Variants in PDZRN4 observed in about 807,000 individuals in gnomAD.
The protein encoded by PDZRN4 is PDZ domain-containing RING finger protein 4.
PDZRN4 carries 70 observed loss-of-function variants against 99.0 expected under a neutral mutation model. The observed-to-expected ratio is 0.71, with a 90% CI of 0.58 to 0.86. The LOEUF (loss-of-function observed/expected upper bound fraction) is 0.86. Ranked by LOEUF, PDZRN4 falls within the 40% of genes least tolerant of loss-of-function variation. The pLI is 0.00. For missense variants in PDZRN4, 1,474 were observed against 1,331.2 expected (o/e 1.11, Z -1.67); for synonymous variants, 551 against 501.6 (o/e 1.10, Z -1.32).
intron 3 of PDZRN4, among the ~76,000 whole-genome samples, chr12:41,352,391 G>A (rs556292271): frequency 6.6e-6 from 1 of 152,268 alleles, no homozygotes; most frequent in South Asian, 2.1e-4. Flanking sequence ...CAAGGGAGTA[G>A]TGGGTGATTT....
At chr12:41,490,772 C>T (rs1937869799) in intron 3 of PDZRN4, among the ~76,000 whole-genome samples, 1 of 151,956 alleles carries the variant, frequency 6.6e-6, no homozygotes. Flanking sequence ...CTTTGTCACC[C>T]AGGCTGGAAC....
intron 3 of PDZRN4, among the ~76,000 whole-genome samples, chr12:41,353,999 G>A (rs998086921): frequency 6.6e-6 from 1 of 152,016 alleles, no homozygotes; most frequent in Non-Finnish European, 1.5e-5. Flanking sequence ...TAACATCAGT[G>A]TTATGTAGGA....
chr12:41,212,916 G>A (rs1950897366), intron 3 of PDZRN4, among the ~76,000 whole-genome samples: 4 of 151,978 alleles, frequency 2.6e-5, no homozygotes. Context: ...GTGTATTATA[G>A]GAATTGAAAG....
At chr12:41,511,857 A>G (rs1421368449) in intron 5 of PDZRN4, among the ~76,000 whole-genome samples, 1 of 152,146 alleles carries the variant, frequency 6.6e-6, no homozygotes, top group Non-Finnish European at 1.5e-5. Context: ...AGATTTAGAA[A>G]TGCTAATTCT....
chr12:41,195,683 G>A (rs924280777), intron 3 of PDZRN4, among the ~76,000 whole-genome samples: 3 of 152,088 alleles, frequency 2.0e-5, no homozygotes, highest in African/African-American at 7.2e-5. Context: ...TGCCGAGAAA[G>A]TGCAGACCTA....
intron 3 of PDZRN4, among the ~76,000 whole-genome samples, chr12:41,374,706 C>T (rs957991015): frequency 1.3e-5 from 2 of 152,120 alleles, no homozygotes; most frequent in African/African-American, 4.8e-5. Context: ...AAGTTGGCTA[C>T]CATCTCTAGA....
At chr12:41,491,494 C>T (rs1043138721) in intron 3 of PDZRN4, among the ~76,000 whole-genome samples, 2 of 152,078 alleles carry the variant, frequency 1.3e-5, no homozygotes, top group Admixed American at 6.6e-5. Flanking sequence ...TGCACTCCAG[C>T]CTGAGCCACA....
intron 3 of PDZRN4, among the ~76,000 whole-genome samples, chr12:41,460,312 G>T (rs1323858773): frequency 6.6e-6 from 1 of 152,122 alleles, no homozygotes; most frequent in Non-Finnish European, 1.5e-5. Flanking sequence ...TTCAGTGAAT[G>T]AAAATAAGCT....
At position 41,320,322 on chromosome 12, in the gene PDZRN4, G is replaced by A. The variant is rs115211680; in HGVS notation, c.843+126134G>A. On this transcript the variant is annotated intron_variant, in intron 3 of 9. Coordinates refer to ENST00000402685, the MANE Select transcript of PDZRN4 (RefSeq NM_001164595.2). ...CGGGAGCAATATTAGATCCTGTGTT[G>A]ACATTTCATCTCTCCTGATGTGTGC... Among the ~76,000 whole-genome samples, 771 of 152,272 alleles carry A rather than the reference G, an allele frequency of 5.1e-3. 5 individuals are homozygous for A. The highest frequency in any genetic ancestry group is 0.018 in the African/African-American group (732 of 41,554).
intron 9 of PDZRN4, 60 bp from the exon 10 acceptor site, chr12:41,572,304 A>T: frequency 7.1e-7 from 1 of 1,414,638 alleles, no homozygotes; most frequent in Non-Finnish European, 9.6e-7. Flanking sequence ...CAAGATTTTT[A>T]ATAACAAATG....
chr12:41,430,725 C>A (rs1485901416), intron 3 of PDZRN4, among the ~76,000 whole-genome samples: 1 of 152,104 alleles, frequency 6.6e-6, no homozygotes, highest in African/African-American at 2.4e-5. Context: ...AGAGATTTAA[C>A]ATAACAAAAA....
chr12:41,230,659 A>G (rs900516061), intron 3 of PDZRN4, among the ~76,000 whole-genome samples: 1 of 152,116 alleles, frequency 6.6e-6, no homozygotes. Flanking sequence ...TGGAAATGGT[A>G]GATTCCAAAT....
chr12:41,472,220 C>T (rs1953000268), intron 3 of PDZRN4, among the ~76,000 whole-genome samples: 2 of 152,160 alleles, frequency 1.3e-5, no homozygotes, highest in South Asian at 4.1e-4. Context: ...TCAAGCTGGC[C>T]TCGACCTCCT....
At chr12:41,537,317 C>G (rs1021678197) in intron 5 of PDZRN4, among the ~76,000 whole-genome samples, 3 of 152,202 alleles carry the variant, frequency 2.0e-5, no homozygotes, top group African/African-American at 7.2e-5. Context: ...GCACTTCTTA[C>G]TTGCAAAGTT....
At chr12:41,259,876 T>A (rs2120828255) in intron 3 of PDZRN4, among the ~76,000 whole-genome samples, 1 of 152,242 alleles carries the variant, frequency 6.6e-6, no homozygotes, top group Admixed American at 6.5e-5. Context: ...TGCAAGCAAA[T>A]CTATAGAAAT....
chr12:41,565,315 C>G (rs1034885139), intron 8 of PDZRN4, among the ~76,000 whole-genome samples: 8 of 151,394 alleles, frequency 5.3e-5, no homozygotes, highest in African/African-American at 1.9e-4. Context: ...CTTCATGACA[C>G]TGGAAGGAAG....
intron 3 of PDZRN4, among the ~76,000 whole-genome samples, chr12:41,275,204 A>AT (rs1156235636): frequency 6.6e-6 from 1 of 152,142 alleles, no homozygotes; most frequent in East Asian, 1.9e-4. Context: ...TCATTTCCTC[A>AT]TTTAATTAAA....
chr12:41,420,397 G>T (rs1236898032), intron 3 of PDZRN4, among the ~76,000 whole-genome samples: 1 of 152,062 alleles, frequency 6.6e-6, no homozygotes, highest in East Asian at 1.9e-4. Flanking sequence ...TATCACATTA[G>T]CTCTGTCTTC....
chr12:41,245,816 A>C (rs1437895139), intron 3 of PDZRN4, among the ~76,000 whole-genome samples: 1 of 152,220 alleles, frequency 6.6e-6, no homozygotes, highest in Non-Finnish European at 1.5e-5. Flanking sequence ...ATTAAAATGG[A>C]GAGCAAAAGA....
Sources: allele counts gnomAD v4.1 joint callset (sites outside exome capture counted in the v4.1 genomes callset), GRCh38; gene constraint gnomAD v4.1.1; transcripts MANE v1.5; gene names NCBI Gene and HGNC (gene_info 2026-07-23, HGNC 2026-07-21).